Variants in MSI2 observed in about 807,000 individuals in gnomAD.
The protein encoded by MSI2 is musashi RNA binding protein 2, also known as RNA-binding protein Musashi homolog 2.
In MSI2, 17 loss-of-function variants were observed where a neutral mutation model predicts 45.6. That is an observed-to-expected ratio of 0.37 (90% CI 0.26 to 0.56). The LOEUF is 0.56. Among genes scored for constraint, MSI2 ranks in the 20% least tolerant of loss-of-function variants. MSI2 has a pLI of 0.77. For synonymous variants in MSI2, 156 were observed against 158.2 expected (o/e 0.99, Z 0.11); for missense variants, 293 against 444.2 (o/e 0.66, Z 3.06).
At chr17:57,438,797 G>A (rs1253156615) in intron 6 of MSI2, among the ~76,000 whole-genome samples, 1 of 136,272 alleles carries the variant, frequency 7.3e-6, no homozygotes, top group South Asian at 2.5e-4. Context: ...GTCTCCCATA[G>A]GAATTTTTTT....
At chr17:57,281,103 AATATC>A (rs1909379207) in intron 5 of MSI2, among the ~76,000 whole-genome samples, 1 of 152,016 alleles carries the variant, frequency 6.6e-6, no homozygotes, top group Non-Finnish European at 1.5e-5. Context: ...TGATGTTGGC[AATATC>A]ATACCAGGTG....
intron 5 of MSI2, among the ~76,000 whole-genome samples, chr17:57,367,062 A>G (rs1917247937): frequency 6.6e-6 from 1 of 152,194 alleles, no homozygotes; most frequent in African/African-American, 2.4e-5. Context: ...TTGTTTTCCA[A>G]GCTCGAAAGT....
chr17:57,520,022 A>G (rs577712538), intron 6 of MSI2, among the ~76,000 whole-genome samples: 4 of 152,304 alleles, frequency 2.6e-5, no homozygotes, highest in African/African-American at 7.2e-5. Context: ...TCGAGACCCC[A>G]TCCCTACAAA....
At chr17:57,460,680 A>T (rs996556570) in intron 6 of MSI2, among the ~76,000 whole-genome samples, 2 of 152,088 alleles carry the variant, frequency 1.3e-5, no homozygotes, top group Admixed American at 6.5e-5. Flanking sequence ...GAACCATGGC[A>T]GTAGGGTGGA....
At chr17:57,588,325 T>C (rs1307838969) in intron 7 of MSI2, among the ~76,000 whole-genome samples, 1 of 152,206 alleles carries the variant, frequency 6.6e-6, no homozygotes, top group Non-Finnish European at 1.5e-5. Context: ...GCCCCTTTTC[T>C]TTCTTCTTAA....
At chr17:57,636,495 C>T (rs1909849808) in intron 10 of MSI2, among the ~76,000 whole-genome samples, 1 of 152,190 alleles carries the variant, frequency 6.6e-6, no homozygotes, top group Non-Finnish European at 1.5e-5. Context: ...CGGTCAGTCC[C>T]CACTCAGGAG....
At chr17:57,534,404 C>T (rs2086880911) in intron 7 of MSI2, among the ~76,000 whole-genome samples, 1 of 152,228 alleles carries the variant, frequency 6.6e-6, no homozygotes, top group African/African-American at 2.4e-5. Context: ...AGACAAGGAG[C>T]AGAGCTGTTG....
downstream of MSI2, among the ~76,000 whole-genome samples, chr17:57,687,929 T>A (rs1913915013): frequency 6.6e-6 from 1 of 152,118 alleles, no homozygotes; most frequent in Non-Finnish European, 1.5e-5. Flanking sequence ...TCTGTCAACA[T>A]CTATTATACT....
chr17:57,595,187 C>T (rs1297498412), intron 7 of MSI2, among the ~76,000 whole-genome samples: 4 of 152,130 alleles, frequency 2.6e-5, no homozygotes, highest in Admixed American at 6.5e-5. Flanking sequence ...ATTCCCTCTC[C>T]GTCTTGTGTT....
At chr17:57,618,919 GTTTTAGAGTC>G (rs1908008789) in intron 9 of MSI2, among the ~76,000 whole-genome samples, 1 of 152,162 alleles carries the variant, frequency 6.6e-6, no homozygotes, top group Admixed American at 6.6e-5. Context: ...CACCTACTGG[GTTTTAGAGTC>G]TTGAATTTAA....
At chr17:57,493,630 C>T (rs1385626359) in intron 6 of MSI2, among the ~76,000 whole-genome samples, 1 of 150,144 alleles carries the variant, frequency 6.7e-6, no homozygotes, top group Non-Finnish European at 1.5e-5. Context: ...TTCTAGATTG[C>T]AGGGGAGGCG....
At position 57,652,057 on chromosome 17, in the gene MSI2, A is replaced by G; in HGVS notation, c.728-42A>G. The G allele has an allele frequency of 4.4e-6, 7 of 1,604,398 alleles. No homozygotes were observed. The highest frequency in any genetic ancestry group is 5.1e-6 in the Non-Finnish European group (6 of 1,171,494). On this transcript the variant is annotated intron_variant, in intron 10 of 13. Transcript: ENST00000284073. This position sits in a 1 kb window ranked among gnomAD's most constrained non-coding sequence, Gnocchi z 4.1. ...ACCTAGGTCTGTGCCTGGCCCTTTC[A>G]AGGATTCCTCCATGACTCAGGCTCC...
rs1175286933 is a variant in MSI2, at chr17:57,401,486, G to C, written c.405+15G>C. On this transcript the variant is annotated intron_variant, in intron 6 of 13. Transcript: ENST00000284073. ...AGTTTGGCAAGGTAAGCGCTGGATG[G>C]GGTTGGATGGCACATGCCAGAAGTA... The C allele has an allele frequency of 5.6e-6, 9 of 1,606,742 alleles. No individual in the cohort carries two copies. The East Asian group carries it at 2.0e-4, about 36-fold the overall frequency.
intron 7 of MSI2, among the ~76,000 whole-genome samples, chr17:57,538,796 C>T (rs1183064011): frequency 2.6e-5 from 4 of 152,148 alleles, no homozygotes; most frequent in Non-Finnish European, 5.9e-5. Context: ...CCTGCAAAAT[C>T]GGTAACAAGG....
At chr17:57,557,643 G>A (rs1368382520) in intron 7 of MSI2, among the ~76,000 whole-genome samples, 1 of 152,208 alleles carries the variant, frequency 6.6e-6, no homozygotes, top group Non-Finnish European at 1.5e-5. Context: ...TCCCCCTTGT[G>A]CCCATGCCAA....
the MSI2 span, among the ~76,000 whole-genome samples, chr17:57,691,441 A>G: frequency 6.6e-6 from 1 of 152,308 alleles, no homozygotes; most frequent in East Asian, 1.9e-4. Flanking sequence ...TGCTAAATCT[A>G]TGGATCAATT....
At chr17:57,344,225 A>G (rs62058054) in intron 5 of MSI2, among the ~76,000 whole-genome samples, 20,806 of 152,180 alleles carry the variant, frequency 0.14, 1,524 homozygotes, top group Non-Finnish European at 0.16. Context: ...GCGGTAAGCA[A>G]GATCCCCTCC....
intron 5 of MSI2, among the ~76,000 whole-genome samples, chr17:57,364,572 A>T (rs1268426831): frequency 6.6e-6 from 1 of 152,206 alleles, no homozygotes; most frequent in Non-Finnish European, 1.5e-5. Context: ...CTGCTTCTCT[A>T]ATGGGCTTGT....
At chr17:57,335,967 C>T (rs1056574545) in intron 5 of MSI2, among the ~76,000 whole-genome samples, 1 of 152,150 alleles carries the variant, frequency 6.6e-6, no homozygotes, top group Non-Finnish European at 1.5e-5. Flanking sequence ...GGCATTTATT[C>T]GGTGTGCAAG....
Sources: gnomAD v4.1 joint callset for allele counts (sites outside exome capture counted in the v4.1 genomes callset) on GRCh38, gnomAD v4.1.1 for gene constraint, Gnocchi (gnomAD v3.1) non-coding constraint, MANE v1.5 for transcripts, NCBI Gene and HGNC (gene_info 2026-07-23, HGNC 2026-07-21) for gene names.